The following RGS22 variants were observed in gnomAD, a reference collection of about 807,000 sequenced individuals.
RGS22 encodes the protein regulator of G-protein signaling 22.
In RGS22, 148 loss-of-function variants were observed where a neutral mutation model predicts 172.9. The observed-to-expected ratio is 0.86, with a 90% CI of 0.75 to 0.98. RGS22 has a LOEUF of 0.98. RGS22 is among the 50% of genes least tolerant of loss of function. The pLI is 0.00. For synonymous variants in RGS22, 458 were observed against 480.2 expected, an observed-to-expected ratio of 0.95 and a Z score of 0.60; for missense variants, 1,347 against 1,440.8, an observed-to-expected ratio of 0.93 and a Z score of 1.05.
chr8:99,964,995 AT>A (rs1056468915), intron 24 of RGS22, among the ~76,000 whole-genome samples: 3 of 152,202 alleles, frequency 2.0e-5, no homozygotes, highest in Non-Finnish European at 4.4e-5. Flanking sequence ...TTCTTCTGTC[AT>A]TTTTTAACCC....
intron 14 of RGS22, among the ~76,000 whole-genome samples, chr8:100,029,910 C>T (rs1818611675): frequency 6.6e-6 from 1 of 151,956 alleles, no homozygotes; most frequent in South Asian, 2.1e-4. Context: ...AAAACATAAT[C>T]TTAAAATGAT....
intron 9 of RGS22, among the ~76,000 whole-genome samples, chr8:100,053,276 G>C (rs1821877111): frequency 6.6e-6 from 1 of 152,100 alleles, no homozygotes; most frequent in Non-Finnish European, 1.5e-5. Context: ...ATAAAAATTA[G>C]CTGGGCATGG....
chr8:100,001,262 T>C (rs1006894770), intron 18 of RGS22, among the ~76,000 whole-genome samples: 1 of 142,060 alleles, frequency 7.0e-6, no homozygotes, highest in East Asian at 2.0e-4. Context: ...AGACACAGTC[T>C]CACTCACTCT....
chr8:99,962,309 T>C, intron 27 of RGS22, 85 bp downstream of exon 27: 2 of 827,882 alleles, frequency 2.4e-6, no homozygotes, highest in East Asian at 2.5e-5. Context: ...TGTGGTATGC[T>C]GTGTGTGTGC....
intron 14 of RGS22, among the ~76,000 whole-genome samples, chr8:100,016,903 CTT>C (rs1213569539): frequency 2.8e-5 from 4 of 143,760 alleles, no homozygotes; most frequent in African/African-American, 1.0e-4. Context: ...TAACCTAAAA[CTT>C]AAAGTATAAT....
intron 14 of RGS22, among the ~76,000 whole-genome samples, chr8:100,019,919 T>C (rs2131447453): frequency 6.6e-6 from 1 of 152,080 alleles, no homozygotes; most frequent in Non-Finnish European, 1.5e-5. Context: ...AGTTTCACTC[T>C]TGTTGCCCAG....
intron 23 of RGS22, among the ~76,000 whole-genome samples, chr8:99,975,437 C>T (rs77300162): frequency 0.012 from 1,766 of 151,452 alleles, 44 homozygotes; most frequent in African/African-American, 0.041. Flanking sequence ...TCTCAATTTC[C>T]TGTGTAGCTG....
Position 99,977,962 on chromosome 8 carries a change from C to A in RGS22, c.3474G>T (p.Lys1158Asn). Residue 1158 changes from lysine to asparagine, a missense_variant, in exon 23 of 28, where the codon AAG (lysine) becomes AAT (asparagine). Coordinates refer to ENST00000360863, the MANE Select transcript of RGS22 (RefSeq NM_015668.5). ...SVLERRQEYNKQKKKLAVLED... is the reference protein window; with the variant it reads ...SVLERRQEYNNQKKKLAVLED... Reference sequence around the variant, plus strand: ...CTAGGACTGCCAATTTTTTTTTCTGCTTATTATATTCTTGTCTTCTCTCTA... The same window carrying A: ...CTAGGACTGCCAATTTTTTTTTCTGATTATTATATTCTTGTCTTCTCTCTA... 1 of 1,560,242 alleles carries A rather than the reference C, an allele frequency of 6.4e-7. No homozygotes were observed. Among genetic ancestry groups the A allele is most frequent in the South Asian group, 1.3e-5 (1 of 79,772 alleles).
intron 11 of RGS22, among the ~76,000 whole-genome samples, chr8:100,045,903 C>T (rs1820670271): frequency 6.6e-6 from 1 of 151,508 alleles, no homozygotes; most frequent in African/African-American, 2.4e-5. Flanking sequence ...TCCACTATAA[C>T]ATTGTTTGTA....
chr8:100,098,849 A>T (rs1179011615), intron 2 of RGS22, among the ~76,000 whole-genome samples: 9 of 21,162 alleles, frequency 4.3e-4, no homozygotes, highest in African/African-American at 2.2e-3. Context: ...TTTTTTATTT[A>T]TTTTATTATT....
chr8:100,100,279 T>C (rs1282392272), intron 2 of RGS22, among the ~76,000 whole-genome samples: 1 of 151,472 alleles, frequency 6.6e-6, no homozygotes, highest in African/African-American at 2.4e-5. Context: ...TTAAAGTTTG[T>C]ATTTTTTTCT....
chr8:100,031,473 T>A (rs766947648), intron 14 of RGS22, among the ~76,000 whole-genome samples: 22 of 152,160 alleles, frequency 1.4e-4, no homozygotes, highest in Non-Finnish European at 2.9e-4. Flanking sequence ...CATTTCATTC[T>A]TACCTACCCT....
rs550044572 is a variant in RGS22, at chr8:100,001,610, G to C, written c.2790+592C>G. Among the ~76,000 whole-genome samples the C allele has an allele frequency of 4.6e-3, 693 of 152,174 alleles. 3 individuals carry two copies. Among genetic ancestry groups the C allele is most frequent in the Non-Finnish European group, 7.2e-3 (490 of 68,004 alleles). ...TAATAAATTGTGATTAAGGCCATAG[G>C]ACTTTGGTCCAACAAAATGTTCAAA... On this transcript the variant is annotated intron_variant, in intron 18 of 27. Transcript: ENST00000360863.
chr8:99,984,512 T>TTAA (rs1473888162), intron 21 of RGS22, among the ~76,000 whole-genome samples: 1 of 152,184 alleles, frequency 6.6e-6, no homozygotes, highest in Admixed American at 6.5e-5. Context: ...AGGTCTGAGT[T>TTAA]TAAGCATACT....
chr8:100,096,815 C>A (rs1813014653), intron 2 of RGS22, among the ~76,000 whole-genome samples: 1 of 151,198 alleles, frequency 6.6e-6, no homozygotes, highest in African/African-American at 2.4e-5. Context: ...AGCCTAATTT[C>A]TTTACAACTC....
In RGS22 at chr8:99,963,813, AG is replaced by A. The variant is rs751802049; in HGVS notation, c.3616-836del. 7.2e-5 allele frequency among the ~76,000 whole-genome samples: 11 copies of A among 152,278 alleles called. No homozygotes were observed. The East Asian group carries it at 1.7e-3, about 24-fold the overall frequency. On this transcript the variant is annotated intron_variant, in intron 24 of 27. Coordinates refer to ENST00000360863, the MANE Select transcript of RGS22 (RefSeq NM_015668.5). ...AGCATCTTCAGATTTTGGTATCTGC[AG>A]GAAGTCTTGGAACCACCCCACAGTG...
chr8:100,016,978 CTTTTTTTTTTTTTTTTTTTTT>C (rs71274949), intron 14 of RGS22, among the ~76,000 whole-genome samples: 781 of 36,152 alleles, frequency 0.022, 25 homozygotes, highest in African/African-American at 0.063. Context: ...CCTTACCAGT[CTTTTTTTTTTTTTTTTTTTTT>C]TTTTTTTTTT....
chr8:100,050,505 A>G (rs1316413427), intron 10 of RGS22, among the ~76,000 whole-genome samples: 1 of 152,216 alleles, frequency 6.6e-6, no homozygotes, highest in Non-Finnish European at 1.5e-5. Context: ...TAAAAACCAC[A>G]TTATATATCT....
At chr8:100,098,788 G>A (rs1412211854) in intron 2 of RGS22, among the ~76,000 whole-genome samples, 2 of 151,692 alleles carry the variant, frequency 1.3e-5, no homozygotes, top group African/African-American at 4.8e-5. Context: ...CAAAAGGCTT[G>A]AGAAGGTGAA....
Sources: gnomAD v4.1 joint callset for allele counts (sites outside exome capture counted in the v4.1 genomes callset) on GRCh38, gnomAD v4.1.1 for gene constraint, MANE v1.5 for transcripts, NCBI Gene and HGNC (gene_info 2026-07-23, HGNC 2026-07-21) for gene names.